RFX3: variants seen among roughly 807,000 people sequenced by gnomAD.
The protein encoded by RFX3 is transcription factor RFX3.
Under a neutral mutation model 98.6 loss-of-function variants are expected in RFX3, and 14 were observed. The ratio of observed to expected loss-of-function variants is 0.14; its 90% CI spans 0.09 to 0.22. RFX3 has a LOEUF of 0.22. RFX3 is among the 10% of genes least tolerant of loss of function. The probability of loss-of-function intolerance (pLI) is 1.00; values close to 1 mark genes in which losing one functional copy is unlikely to be tolerated. For synonymous variants in RFX3, 383 were observed against 328.4 expected (o/e 1.17, Z -1.80); for missense variants, 639 against 926.9 (o/e 0.69, Z 4.03).
intron 4 of RFX3, among the ~76,000 whole-genome samples, chr9:3,327,546 C>A (rs980023789): frequency 6.6e-6 from 1 of 151,216 alleles, no homozygotes; most frequent in African/African-American, 2.4e-5. Flanking sequence ...TTTTTCCATA[C>A]AAAAGTTACT....
At chr9:3,427,999 G>T (rs1844282672) in intron 1 of RFX3, among the ~76,000 whole-genome samples, 1 of 152,028 alleles carries the variant, frequency 6.6e-6, no homozygotes, top group African/African-American at 2.4e-5. Context: ...TACATAGTCA[G>T]GAAAATGTCC....
intron 3 of RFX3, among the ~76,000 whole-genome samples, chr9:3,335,199 C>T (rs1016490856): frequency 1.3e-5 from 2 of 152,064 alleles, no homozygotes; most frequent in Non-Finnish European, 2.9e-5. Context: ...CATGAACCCA[C>T]TTGTTCGAGT....
chr9:3,413,103 T>A (rs866314701), intron 1 of RFX3, among the ~76,000 whole-genome samples: 3 of 151,720 alleles, frequency 2.0e-5, no homozygotes, highest in African/African-American at 7.3e-5. Context: ...TTTTACAAAA[T>A]TGTCATTTTA....
chr9:3,461,434 G>A (rs1279250937), intron 1 of RFX3, among the ~76,000 whole-genome samples: 2 of 151,916 alleles, frequency 1.3e-5, no homozygotes, highest in Non-Finnish European at 2.9e-5. Context: ...GTCATCCAAC[G>A]AGGTCAAATC....
At chr9:3,256,867 G>T in intron 14 of RFX3, 124 bp downstream of exon 14, 1 of 830,608 alleles carries the variant, frequency 1.2e-6, no homozygotes. Flanking sequence ...TTGTAACAGG[G>T]AGTTTCCACA....
At chr9:3,270,345 T>C in intron 11 of RFX3, 26 bp downstream of exon 11, 1 of 1,596,148 alleles carries the variant, frequency 6.3e-7, no homozygotes, top group Non-Finnish European at 8.5e-7. Flanking sequence ...AACAAAAGCA[T>C]CCGTACTCGT....
At chr9:3,403,452 G>C (rs7859019) in intron 1 of RFX3, among the ~76,000 whole-genome samples, 238 of 152,250 alleles carry the variant, frequency 1.6e-3, no homozygotes, top group African/African-American at 5.5e-3. Flanking sequence ...AATGATAATA[G>C]TGTAGACTGT....
At chr9:3,408,452 C>T (rs190921650) in intron 1 of RFX3, among the ~76,000 whole-genome samples, 1 of 152,148 alleles carries the variant, frequency 6.6e-6, no homozygotes, top group East Asian at 1.9e-4. Context: ...CAGTCAAATG[C>T]TTATATAGAA....
chr9:3,219,005 C>T lies in RFX3; in HGVS notation c.*6037G>A, dbSNP rs1336230673. The T allele has an allele frequency of 1.3e-5, 2 of 152,198 alleles. No homozygotes were observed. Among genetic ancestry groups the T allele is most frequent in the South Asian group, 2.1e-4 (1 of 4,828 alleles). The allele number at this position is 152,198 out of a possible 1,614,324, so 9.4% of individuals were successfully genotyped here. A position where few individuals can be genotyped will look rare whatever the true frequency, so the allele number is the denominator to read the frequency against. On this transcript the variant is annotated 3_prime_UTR_variant, in exon 17 of 17. Transcript: ENST00000617270. ...TAGTGAAGTTACTGATTGGTAAGCA[C>T]TACAATTAACCTAATTAAAAGTTTA...
intron 2 of RFX3, among the ~76,000 whole-genome samples, chr9:3,385,437 G>A (rs1011157409): frequency 6.6e-6 from 1 of 152,076 alleles, no homozygotes; most frequent in African/African-American, 2.4e-5. Flanking sequence ...TTGGCCGGGT[G>A]CAGTGGCTCA....
intron 1 of RFX3, among the ~76,000 whole-genome samples, chr9:3,396,699 C>T (rs903130023): frequency 9.9e-5 from 15 of 152,158 alleles, no homozygotes; most frequent in African/African-American, 3.4e-4. Context: ...CTCTCCAGCA[C>T]CTGCTGTTTC....
intron 2 of RFX3, among the ~76,000 whole-genome samples, chr9:3,349,642 C>A (rs1161454560): frequency 2.0e-5 from 3 of 151,970 alleles, no homozygotes; most frequent in African/African-American, 7.2e-5. Flanking sequence ...CATTGCCTTT[C>A]TTTTTCTCTA....
chr9:3,261,236 TC>T (rs993728371), intron 13 of RFX3, among the ~76,000 whole-genome samples: 1 of 152,020 alleles, frequency 6.6e-6, no homozygotes, highest in Non-Finnish European at 1.5e-5. Context: ...CTGACCACAA[TC>T]AATTTTAGAC....
At chr9:3,247,895 A>G (rs769875021) in intron 15 of RFX3, 137 bp downstream of exon 15, 3 of 1,609,640 alleles carry the variant, frequency 1.9e-6, no homozygotes, top group Non-Finnish European at 2.5e-6. Flanking sequence ...TCTTGCAATA[A>G]CTCCACAGTC....
chr9:3,456,891 GT>G (rs1847208358), intron 1 of RFX3, among the ~76,000 whole-genome samples: 1 of 151,930 alleles, frequency 6.6e-6, no homozygotes, highest in Non-Finnish European at 1.5e-5. Flanking sequence ...GCTCATGCCT[GT>G]AATCCCAGCA....
chr9:3,408,593 G>GTCTCTC (rs746689896), intron 1 of RFX3, among the ~76,000 whole-genome samples: 13 of 148,020 alleles, frequency 8.8e-5, no homozygotes, highest in African/African-American at 2.2e-4. Flanking sequence ...CTCTGTCTCT[G>GTCTCTC]TCTCTCTCTC....
intron 1 of RFX3, among the ~76,000 whole-genome samples, chr9:3,426,190 T>C (rs756259106): frequency 6.6e-6 from 1 of 152,192 alleles, no homozygotes; most frequent in Non-Finnish European, 1.5e-5. Flanking sequence ...AATTCAGTCA[T>C]AATTCCATCT....
chr9:3,310,042 C>A (rs1037983169), intron 4 of RFX3, among the ~76,000 whole-genome samples: 3 of 152,210 alleles, frequency 2.0e-5, no homozygotes, highest in African/African-American at 7.2e-5. Context: ...CTGAACAGTG[C>A]TTTCCCCTGC....
intron 1 of RFX3, among the ~76,000 whole-genome samples, chr9:3,432,274 T>C (rs1844722048): frequency 6.6e-6 from 1 of 152,104 alleles, no homozygotes; most frequent in African/African-American, 2.4e-5. Context: ...ACTGATCTAC[T>C]TGCCCCCAAA....
Sources: allele counts gnomAD v4.1 joint callset (sites outside exome capture counted in the v4.1 genomes callset), GRCh38; gene constraint gnomAD v4.1.1; transcripts MANE v1.5; gene names NCBI Gene and HGNC (gene_info 2026-07-23, HGNC 2026-07-21).